The following EIF1AD variants were observed in gnomAD, a reference collection of about 807,000 sequenced individuals.
EIF1AD encodes the protein eukaryotic translation initiation factor 1A domain containing.
A neutral mutation model predicts 21.7 loss-of-function variants in EIF1AD; 9 were observed. The observed-to-expected ratio is 0.41, with a 90% CI of 0.25 to 0.72. The LOEUF (loss-of-function observed/expected upper bound fraction) is 0.72, where lower values mean the gene tolerates loss of function less well. EIF1AD is among the 30% of genes least tolerant of loss of function. The probability of loss-of-function intolerance (pLI) is 0.29; values close to 1 mark genes in which losing one functional copy is unlikely to be tolerated. For synonymous variants in EIF1AD, 78 were observed against 70.9 expected (o/e 1.10, Z -0.50); for missense variants, 164 against 199.7 (o/e 0.82, Z 1.08).
chr11:65,999,582 T>C lies in EIF1AD; in HGVS notation c.290A>G (p.Gln97Arg). 6.2e-7 allele frequency: 1 copy of C among 1,613,710 alleles called. No homozygotes were observed. Among genetic ancestry groups the C allele is most frequent in the Non-Finnish European group, 8.5e-7 (1 of 1,179,824 alleles). Residue 97 changes from glutamine to arginine, a missense_variant, in exon 4 of 6, where the codon CAG (glutamine) becomes CGG (arginine). Transcript: ENST00000533544. ...GACCACCTACCAAAACCCCTCCTTCTGCAGAGAGCGCACGTGGTCCTTGCA... is the reference window on the plus strand; with the variant it reads ...GACCACCTACCAAAACCCCTCCTTCCGCAGAGAGCGCACGTGGTCCTTGCA... ...VLCKDHVRSL[Q>R]KEGFWPEAFS... is the part of the protein sequence containing the mutation.
In EIF1AD at chr11:65,998,743, T is replaced by C. The variant is rs1855822140; in HGVS notation, c.354A>G (p.Arg118=). ...EVAEKHNNRN[R]QTQPELPAEP... ...CAGCTGGGAGTTCTGGTTGAGTTTG[T>C]CTGCACGAAGGGAAGAGAGCAGGGT... Residue 118 remains arginine (R), a splice_region_variant and synonymous_variant, in exon 6 of 6, where the codon AGA becomes AGG. Coordinates refer to ENST00000533544, the MANE Select transcript of EIF1AD (RefSeq NM_001242481.2). 1.2e-6 allele frequency: 2 copies of C among 1,614,082 alleles called. No homozygotes were observed. The highest frequency in any genetic ancestry group is 1.3e-5 in the African/African-American group (1 of 75,026).
At chr11:65,999,711 G>A (rs1341699168) in intron 3 of EIF1AD, 36 bp from the exon 4 acceptor site, 1 of 1,489,470 alleles carries the variant, frequency 6.7e-7, no homozygotes. Flanking sequence ...AGTCAGGCCT[G>A]CTTGCAATAA....
rs1223291592 is a variant in EIF1AD at position 65,997,924 on chromosome 11, T to A, written c.*675A>T. ...TCAGGTTTCAAATAAAGTCAGGAGA[T>A]GGATGGACCATTCAAAACAAAGTTA... On this transcript the variant is annotated 3_prime_UTR_variant, in exon 6 of 6. Coordinates refer to ENST00000533544, the MANE Select transcript of EIF1AD (RefSeq NM_001242481.2). The A allele has an allele frequency of 6.6e-6, 1 of 152,242 alleles. No individual in the cohort carries two copies. Among genetic ancestry groups the A allele is most frequent in the Non-Finnish European group, 1.5e-5 (1 of 68,094 alleles). The allele number at this position is 152,242 out of a possible 1,614,324, so 9.4% of individuals were successfully genotyped here. A position where few individuals can be genotyped will look rare whatever the true frequency, so the allele number is the denominator to read the frequency against.
At chr11:66,000,629 C>T in intron 1 of EIF1AD, 124 bp from the exon 2 acceptor site, 2 of 535,244 alleles carry the variant, frequency 3.7e-6, no homozygotes, top group East Asian at 3.3e-5. Context: ...AAAATAACAG[C>T]TAACTCAGCA....
intron 5 of EIF1AD, among the ~76,000 whole-genome samples, chr11:65,999,040 G>C (rs556584781): frequency 6.6e-6 from 1 of 152,294 alleles, no homozygotes; most frequent in Non-Finnish European, 1.5e-5. Flanking sequence ...AACAGATACT[G>C]CACTAAGCAA....
Position 66,002,152 on chromosome 11 carries a change from C to T in EIF1AD, c.-359G>A, listed in dbSNP as rs758841566. The T allele has an allele frequency of 9.8e-5, 15 of 152,386 alleles. No individual in the cohort carries two copies. The highest frequency in any genetic ancestry group is 2.1e-4 in the South Asian group (1 of 4,824). 9.4% of individuals were successfully genotyped at this position (152,386 alleles called of 1,614,324 possible). On this transcript the variant is annotated 5_prime_UTR_variant, in exon 1 of 6. Transcript: ENST00000533544. Reference sequence around the variant, plus strand: ...GTCTGAGTCTGATCCCTCCGAAAACCGTACTTCCGGCGCTGTCTCGGAGGC... The same window carrying T: ...GTCTGAGTCTGATCCCTCCGAAAACTGTACTTCCGGCGCTGTCTCGGAGGC...
In EIF1AD at chr11:66,002,103, C is replaced by G. The variant is rs1470167198; in HGVS notation, c.-310G>C. 1.3e-5 allele frequency: 2 copies of G among 152,158 alleles called. No individual in the cohort carries two copies. Among genetic ancestry groups the G allele is most frequent in the Non-Finnish European group, 2.9e-5 (2 of 68,082 alleles). The allele number at this position is 152,158 out of a possible 1,614,324, so 9.4% of individuals were successfully genotyped here. On this transcript the variant is annotated 5_prime_UTR_variant, in exon 1 of 6. Coordinates refer to ENST00000533544, the MANE Select transcript of EIF1AD (RefSeq NM_001242481.2). ...TCCAGTGTTCCCAGTTCCCACCAGTCCAACTGCGAGGAGTGCGACGTGAGT... is the reference window on the plus strand; with the variant it reads ...TCCAGTGTTCCCAGTTCCCACCAGTGCAACTGCGAGGAGTGCGACGTGAGT...
intron 1 of EIF1AD, among the ~76,000 whole-genome samples, chr11:66,000,906 C>G (rs548359949): frequency 6.6e-6 from 1 of 152,224 alleles, no homozygotes; most frequent in African/African-American, 2.4e-5. Flanking sequence ...CACTGTAAAA[C>G]TTTTTGTTCT....
At chr11:66,001,721 GTTAA>G (rs1448878930) in intron 1 of EIF1AD, among the ~76,000 whole-genome samples, 185 bp downstream of exon 1, 2 of 152,178 alleles carry the variant, frequency 1.3e-5, no homozygotes, top group African/African-American at 4.8e-5. Flanking sequence ...CCAGGAACTA[GTTAA>G]TTAAAGGTTG....
intron 4 of EIF1AD, 55 bp downstream of exon 4, chr11:65,999,512 T>C: frequency 3.1e-6 from 5 of 1,596,150 alleles, no homozygotes; most frequent in African/African-American, 1.3e-5. Flanking sequence ...ATTCCCAAGC[T>C]AGGAAGGCAA....
rs1196848309 is a variant in EIF1AD, at chr11:65,997,809, G to A, written c.*790C>T. 1 of 152,292 alleles carries A rather than the reference G, an allele frequency of 6.6e-6. No individual in the cohort carries two copies. 9.4% of individuals were successfully genotyped at this position (152,292 alleles called of 1,614,324 possible). On this transcript the variant is annotated 3_prime_UTR_variant, in exon 6 of 6. Coordinates refer to ENST00000533544, the MANE Select transcript of EIF1AD (RefSeq NM_001242481.2). ...AAGGCAGAAGGTTACTCATGAGAATGTCAGGGCTGGTTAGAAGAATGAAGG... is the reference window on the plus strand; with the variant it reads ...AAGGCAGAAGGTTACTCATGAGAATATCAGGGCTGGTTAGAAGAATGAAGG...
In EIF1AD at chr11:66,000,228, C is replaced by A. The variant is rs1855893361; in HGVS notation, c.88-67G>T. 3.7e-6 allele frequency: 6 copies of A among 1,608,360 alleles called. No homozygotes were observed. In the Admixed American group the frequency reaches 1.0e-4, roughly 27 times the overall value. ...CAAACACCCTCTCAGACACGCTGCA[C>A]CCTACCCCCACCCCAGGGGCCCTCC... On this transcript the variant is annotated intron_variant, in intron 2 of 5. Coordinates refer to ENST00000533544, the MANE Select transcript of EIF1AD (RefSeq NM_001242481.2).
In EIF1AD at chr11:65,996,762, G is replaced by A. The variant is rs1358457863; in HGVS notation, c.*1837C>T. ...AAATGGGAGATTCTACAGCACGCTC[G>A]ACACTAACACATCACATCCATAACA... On this transcript the variant is annotated 3_prime_UTR_variant, in exon 6 of 6. Transcript: ENST00000533544. 2.0e-5 allele frequency: 3 copies of A among 152,060 alleles called. No individual in the cohort carries two copies. The highest frequency in any genetic ancestry group is 4.4e-5 in the Non-Finnish European group (3 of 68,032). The allele number at this position is 152,060 out of a possible 1,614,324, so 9.4% of individuals were successfully genotyped here. A position where few individuals can be genotyped will look rare whatever the true frequency, so the allele number is the denominator to read the frequency against.
At chr11:65,999,707 G>A (rs1270567460) in intron 3 of EIF1AD, 32 bp from the exon 4 acceptor site, 2 of 1,518,016 alleles carry the variant, frequency 1.3e-6, no homozygotes, top group Admixed American at 3.4e-5. Flanking sequence ...GCAAAGTCAG[G>A]CCTGCTTGCA....
At chr11:66,001,825 G>C (rs1045991263) in intron 1 of EIF1AD, 85 bp downstream of exon 1, 1 of 152,246 alleles carries the variant, frequency 6.6e-6, no homozygotes, top group Non-Finnish European at 1.5e-5. Flanking sequence ...GATGGTTTCC[G>C]AAAGAAACAC....
At chr11:66,000,557 T>G (rs1855908272) in intron 1 of EIF1AD, 52 bp from the exon 2 acceptor site, 3 of 635,566 alleles carry the variant, frequency 4.7e-6, no homozygotes, top group Non-Finnish European at 8.2e-6. Flanking sequence ...GAAGTCTAAC[T>G]GCCTGGATTC....
Position 65,999,357 on chromosome 11 carries a change from T to C in EIF1AD, c.346A>G (p.Arg116Gly), listed in dbSNP as rs1167811898. ...FSEVAEKHNNRNRQTQPELPA... is the reference protein window; with the variant it reads ...FSEVAEKHNNGNRQTQPELPA... Reference sequence around the variant, plus strand: ...CCAAGGCTTGTTCCTCACCTGTTCCTGTTGTTGTGTTTCTCAGCCACTTCA... The same window carrying C: ...CCAAGGCTTGTTCCTCACCTGTTCCCGTTGTTGTGTTTCTCAGCCACTTCA... The change falls in exon 5 of 6, where the codon AGG (arginine) becomes GGG (glycine). Residue 116 changes from arginine to glycine, a missense_variant. By Grantham distance (125) the Arg-to-Gly change is moderately radical. Coordinates refer to ENST00000533544, the MANE Select transcript of EIF1AD (RefSeq NM_001242481.2). The C allele has an allele frequency of 3.1e-6, 5 of 1,614,078 alleles. No homozygotes were observed. The highest frequency in any genetic ancestry group is 8.5e-7 in the Non-Finnish European group (1 of 1,180,040).
Position 65,998,502 on chromosome 11 carries a change from T to A in EIF1AD, c.*97A>T. 1 of 1,444,530 alleles carries A rather than the reference T, an allele frequency of 6.9e-7. No homozygotes were observed. Among genetic ancestry groups the A allele is most frequent in the Non-Finnish European group, 9.4e-7 (1 of 1,062,422 alleles). The allele number at this position is 1,444,530 out of a possible 1,614,324, so 89.5% of individuals were successfully genotyped here. On this transcript the variant is annotated 3_prime_UTR_variant, in exon 6 of 6. Coordinates refer to ENST00000533544, the MANE Select transcript of EIF1AD (RefSeq NM_001242481.2). ...AGAGAGGAGCCCTGCTTTGTCCTCATGCAGGGGTGAAGATGTGCAGAGCAC... is the reference window on the plus strand; with the variant it reads ...AGAGAGGAGCCCTGCTTTGTCCTCAAGCAGGGGTGAAGATGTGCAGAGCAC...
At chr11:66,001,199 C>T (rs552657087) in intron 1 of EIF1AD, among the ~76,000 whole-genome samples, 4 of 152,240 alleles carry the variant, frequency 2.6e-5, no homozygotes, top group African/African-American at 9.6e-5. Flanking sequence ...TCCGGCCGGG[C>T]GCGGTGGCTC....
Sources: allele counts gnomAD v4.1 joint callset (sites outside exome capture counted in the v4.1 genomes callset), GRCh38; gene constraint gnomAD v4.1.1; transcripts MANE v1.5; gene names NCBI Gene and HGNC (gene_info 2026-07-23, HGNC 2026-07-21).